The following MTMR8 variants were observed in gnomAD, a reference collection of about 807,000 sequenced individuals.
MTMR8 encodes the protein phosphatidylinositol-3,5-bisphosphate 3-phosphatase MTMR8.
MTMR8 carries 65 observed loss-of-function variants against 39.3 expected under a neutral mutation model. The ratio of observed to expected loss-of-function variants is 1.65; its 90% CI spans 1.35 to 2.03. MTMR8 has a LOEUF of 2.03. Among genes scored for constraint, MTMR8 ranks in the 30% most tolerant of loss-of-function variants. The probability of loss-of-function intolerance (pLI) is 0.00; values close to 1 mark genes in which losing one functional copy is unlikely to be tolerated. For synonymous variants in MTMR8, 245 were observed against 185.2 expected (o/e 1.32, Z -2.62); for missense variants, 777 against 538.9 (o/e 1.44, Z -4.37).
chrX:64,328,596 A>G (rs962608415), intron 12 of MTMR8, among the ~76,000 whole-genome samples, 176 bp downstream of exon 12: 8 of 111,757 alleles, frequency 7.2e-5, no homozygotes, highest in Admixed American at 5.7e-4. Flanking sequence ...AGCCCTGAAA[A>G]CCAAAAGGAA....
chrX:64,312,192 T>G lies in MTMR8; in HGVS notation c.1481+16580A>C, dbSNP rs150056844. ...CTTTTATTTCGTTGAGCAGTGGTTT[T>G]TAGTTGTTCTTGAAGAGGTCCTTCA... On this transcript the variant is annotated intron_variant, in intron 12 of 13. Coordinates refer to ENST00000374852, the MANE Select transcript of MTMR8 (RefSeq NM_017677.4). Among the ~76,000 whole-genome samples, 320 of 111,692 alleles carry G rather than the reference T, an allele frequency of 2.9e-3. 1 individual carries two copies. The highest frequency in any genetic ancestry group is 5.0e-3 in the Non-Finnish European group (266 of 53,160).
intron 12 of MTMR8, among the ~76,000 whole-genome samples, chrX:64,324,844 G>C (rs1252764583): frequency 1.0e-5 from 1 of 95,852 alleles, no homozygotes; most frequent in African/African-American, 4.6e-5. Flanking sequence ...AAAAAGAGAG[G>C]TTTAAAATAA....
intron 12 of MTMR8, among the ~76,000 whole-genome samples, chrX:64,307,679 T>G (rs1023860764): frequency 9.0e-6 from 1 of 111,625 alleles, no homozygotes; most frequent in Admixed American, 9.6e-5. Context: ...CTATTCTACC[T>G]CCGCTGACTT....
intron 12 of MTMR8, among the ~76,000 whole-genome samples, chrX:64,318,708 G>GTTTTTTT (rs1209006743): frequency 7.3e-5 from 6 of 82,378 alleles, no homozygotes; most frequent in Admixed American, 2.6e-4. Context: ...TTGGTTTTTT[G>GTTTTTTT]TTTTTTTTTT....
At position 64,268,808 on chromosome X, in the gene MTMR8, A is replaced by G. The variant is rs61746243; in HGVS notation, c.1844T>C (p.Ile615Thr). The G allele has an allele frequency of 2.3e-3, 2,753 of 1,209,406 alleles. 43 individuals are homozygous for G. The African/African-American group carries it at 0.044, about 19-fold the overall frequency. Residue 615 changes from isoleucine to threonine, a missense_variant, in exon 14 of 14, where the codon ATT becomes ACT. Coordinates refer to ENST00000374852, the MANE Select transcript of MTMR8 (RefSeq NM_017677.4). The part of the protein sequence containing the change: ...GADLHHNCCE[I>T]VGSLRAINIS... ...ATTTATGGCCCTAAGGCTGCCCACA[A>G]TCTCACAACAGTTATGGTGGAGGTC...
intron 9 of MTMR8, among the ~76,000 whole-genome samples, chrX:64,336,678 T>C (rs1923085231): frequency 9.0e-6 from 1 of 110,598 alleles, no homozygotes. Context: ...ACATCTGTAA[T>C]CCCAGCTACT....
At chrX:64,333,536 C>T (rs1224729547) in intron 10 of MTMR8, among the ~76,000 whole-genome samples, 1 of 111,983 alleles carries the variant, frequency 8.9e-6, no homozygotes, top group African/African-American at 3.2e-5. Context: ...CAAAAACTCA[C>T]TGTTTTGGCA....
chrX:64,327,596 A>G (rs1272285373), intron 12 of MTMR8, among the ~76,000 whole-genome samples: 1 of 112,531 alleles, frequency 8.9e-6, no homozygotes, highest in East Asian at 2.8e-4. Context: ...AAATTCGTAC[A>G]TTCATTATGA....
chrX:64,364,548 C>A (rs1207839889), intron 1 of MTMR8, among the ~76,000 whole-genome samples: 2 of 111,964 alleles, frequency 1.8e-5, no homozygotes, highest in African/African-American at 6.5e-5. Flanking sequence ...AAGTAACAAA[C>A]AGAAAGGAAT....
At chrX:64,378,179 C>T (rs959308884) in intron 1 of MTMR8, among the ~76,000 whole-genome samples, 5 of 111,786 alleles carry the variant, frequency 4.5e-5, no homozygotes, top group African/African-American at 1.6e-4. Context: ...AAAACTAATA[C>T]ACTAAATCTA....
At chrX:64,346,264 T>C (rs1296602764) in intron 6 of MTMR8, among the ~76,000 whole-genome samples, 1 of 111,417 alleles carries the variant, frequency 9.0e-6, no homozygotes. Context: ...GGACAGGGTA[T>C]AATTTTTGTA....
Position 64,289,168 on chromosome X carries a change from A to G in MTMR8, c.1482-18095T>C, listed in dbSNP as rs182374492. On this transcript the variant is annotated intron_variant, in intron 12 of 13. Coordinates refer to ENST00000374852, the MANE Select transcript of MTMR8 (RefSeq NM_017677.4). The stretch of plus-strand genomic sequence containing the variant: ...CAAGACACACATTAAAAAGATGTTC[A>G]ACAACACTAATAGAGAAATGAAAAT... Among the ~76,000 whole-genome samples, 397 of 110,851 alleles carry G rather than the reference A, an allele frequency of 3.6e-3. 2 individuals are homozygous for G. The highest frequency in any genetic ancestry group is 0.012 in the African/African-American group (362 of 30,590).
intron 12 of MTMR8, among the ~76,000 whole-genome samples, chrX:64,282,643 A>G (rs1921003472): frequency 8.9e-6 from 1 of 111,923 alleles, no homozygotes; most frequent in African/African-American, 3.2e-5. Context: ...TGAACACAGG[A>G]TAAAACATCA....
intron 12 of MTMR8, among the ~76,000 whole-genome samples, chrX:64,315,256 A>G (rs1057043519): frequency 8.9e-6 from 1 of 111,906 alleles, no homozygotes; most frequent in African/African-American, 3.2e-5. Flanking sequence ...GCTCCTTGCC[A>G]GTTCAACTCA....
chrX:64,285,585 T>A (rs1242157671), intron 12 of MTMR8, among the ~76,000 whole-genome samples: 1 of 111,654 alleles, frequency 9.0e-6, no homozygotes. Context: ...AAAACACTCC[T>A]CAGCAAATGT....
chrX:64,377,070 A>G (rs1924291790), intron 1 of MTMR8, among the ~76,000 whole-genome samples: 1 of 112,509 alleles, frequency 8.9e-6, no homozygotes, highest in African/African-American at 3.2e-5. Context: ...AAAGGGCAAG[A>G]GTTGAGGCCT....
chrX:64,286,236 T>C (rs1242038650), intron 12 of MTMR8, among the ~76,000 whole-genome samples: 2 of 111,960 alleles, frequency 1.8e-5, no homozygotes, highest in Non-Finnish European at 3.8e-5. Context: ...AAGAAATGGA[T>C]AAATTCCTCG....
At chrX:64,305,463 A>G (rs1922078021) in intron 12 of MTMR8, 1 of 295,377 alleles carries the variant, frequency 3.4e-6, no homozygotes, top group Admixed American at 4.8e-5. Context: ...GAGAAACCAT[A>G]CTGCCTCTTT....
At chrX:64,366,189 C>G (rs1351417941) in intron 1 of MTMR8, among the ~76,000 whole-genome samples, 5 of 111,543 alleles carry the variant, frequency 4.5e-5, no homozygotes, top group African/African-American at 1.6e-4. Context: ...CACTATCAGA[C>G]AGATCAACGA....
Sources: gnomAD v4.1 joint callset for allele counts (sites outside exome capture counted in the v4.1 genomes callset) on GRCh38, gnomAD v4.1.1 for gene constraint, MANE v1.5 for transcripts, NCBI Gene and HGNC (gene_info 2026-07-23, HGNC 2026-07-21) for gene names.